The following TRIM36 variants were observed in gnomAD, a reference collection of about 807,000 sequenced individuals.
The protein encoded by TRIM36 is E3 ubiquitin-protein ligase TRIM36.
A neutral mutation model predicts 72.4 loss-of-function variants in TRIM36; 42 were observed. The observed-to-expected ratio is 0.58, with a 90% CI of 0.45 to 0.75. TRIM36 has a LOEUF of 0.75. Ranked by LOEUF, TRIM36 falls within the 30% of genes least tolerant of loss-of-function variation. TRIM36 has a pLI of 0.00. For synonymous variants in TRIM36, 315 were observed against 282.8 expected, an observed-to-expected ratio of 1.11 and a Z score of -1.14; for missense variants, 913 against 857.1, an observed-to-expected ratio of 1.07 and a Z score of -0.81.
Position 115,156,928 on chromosome 5 carries a change from G to T in TRIM36, c.262+6590C>A, listed in dbSNP as rs113170787. Reference sequence around the variant, plus strand: ...TTCAAAATCTATACATCTGACAAAGGACTAACATCCAGAATCTACAATGAA... The same window carrying T: ...TTCAAAATCTATACATCTGACAAAGTACTAACATCCAGAATCTACAATGAA... On this transcript the variant is annotated intron_variant, in intron 2 of 9. Coordinates refer to ENST00000513154, the MANE Select transcript of TRIM36 (RefSeq NM_001300759.2). 8.5e-5 allele frequency among the ~76,000 whole-genome samples: 13 copies of T among 152,198 alleles called. 1 individual carries two copies. Among genetic ancestry groups the T allele is most frequent in the African/African-American group, 3.1e-4 (13 of 41,530 alleles).
intron 2 of TRIM36, chr5:115,148,729 A>G (rs1753728076): frequency 6.6e-6 from 1 of 152,198 alleles, no homozygotes; most frequent in Non-Finnish European, 1.5e-5. Context: ...TCTTAAGAGT[A>G]TGCAGTCTTA....
At chr5:115,138,733 T>C (rs1418755499) in intron 5 of TRIM36, among the ~76,000 whole-genome samples, 3 of 152,152 alleles carry the variant, frequency 2.0e-5, no homozygotes, top group Admixed American at 2.0e-4. Context: ...TCAGAGCTCA[T>C]GATTTTGAGA....
intron 2 of TRIM36, among the ~76,000 whole-genome samples, chr5:115,150,287 T>C (rs575602759): frequency 6.6e-6 from 1 of 152,318 alleles, no homozygotes; most frequent in African/African-American, 2.4e-5. Flanking sequence ...TGTCATCTGA[T>C]ACAGTAGCCA....
At chr5:115,171,274 C>T (rs375498205), upstream of TRIM36, 2 of 1,608,860 alleles carry the variant, frequency 1.2e-6, no homozygotes, top group Non-Finnish European at 1.7e-6. Context: ...GCAATTTTCT[C>T]TAATGGAATA....
chr5:115,146,931 G>A lies in TRIM36; in HGVS notation c.588+138C>T, dbSNP rs941476228. ...GTAACTCCAGCCAACTAGGCCTTAA[G>A]TTCTTATACCTGCTTTTAAAGTTAT... On this transcript the variant is annotated intron_variant, in intron 3 of 9. Coordinates refer to ENST00000513154, the MANE Select transcript of TRIM36 (RefSeq NM_001300759.2). 6 of 941,016 alleles carry A rather than the reference G, an allele frequency of 6.4e-6. No homozygotes were observed. In the Admixed American group the frequency reaches 1.5e-4, roughly 23 times the overall value. 58.3% of individuals were successfully genotyped at this position (941,016 alleles called of 1,614,324 possible). A position where few individuals can be genotyped will look rare whatever the true frequency, so the allele number is the denominator to read the frequency against.
At chr5:115,171,488 T>C (rs1452164925), upstream of TRIM36, among the ~76,000 whole-genome samples, 1 of 152,192 alleles carries the variant, frequency 6.6e-6, no homozygotes, top group African/African-American at 2.4e-5. Flanking sequence ...TATATATACA[T>C]ATATTTAAAG....
chr5:115,130,027 G>A (rs1219088448), intron 9 of TRIM36, among the ~76,000 whole-genome samples: 1 of 152,196 alleles, frequency 6.6e-6, no homozygotes, highest in East Asian at 1.9e-4. Flanking sequence ...CTATCATTCA[G>A]ATTGTTAAGC....
upstream of TRIM36, among the ~76,000 whole-genome samples, chr5:115,170,838 C>A (rs1294978005): frequency 6.6e-6 from 1 of 152,218 alleles, no homozygotes; most frequent in Non-Finnish European, 1.5e-5. Flanking sequence ...CTCCGGCACC[C>A]CCGCACCCCC....
intron 9 of TRIM36, among the ~76,000 whole-genome samples, chr5:115,128,237 C>T (rs11954156): frequency 0.051 from 7,751 of 151,428 alleles, 221 homozygotes; most frequent in East Asian, 0.078. Context: ...GGTGTGGTGG[C>T]GCATGCCTGT....
chr5:115,126,601 G>A lies in TRIM36; in HGVS notation c.2053C>T (p.His685Tyr), dbSNP rs1396902717. 4 of 1,614,040 alleles carry A rather than the reference G, an allele frequency of 2.5e-6. No individual in the cohort carries two copies. Among genetic ancestry groups the A allele is most frequent in the Admixed American group, 3.3e-5 (2 of 60,004 alleles). The part of the protein sequence containing the change: ...CLYERQVDCS[H>Y]TLYPAFALMG... ...AATGCAAATGCTGGATACAGTGTAT[G>A]TGAACAGTCCACTTGGCGTTCATAA... Residue 685 changes from histidine to tyrosine, a missense_variant, in exon 10 of 10, where the codon CAT becomes TAT. By Grantham distance (83) the His-to-Tyr change is moderately conservative. Transcript: ENST00000513154.
Position 115,130,742 on chromosome 5 carries a change from T to C in TRIM36, c.1646A>G (p.Asp549Gly). ...RIQVGYYTSL[D>G]YIIGDTGITK... Reference sequence around the variant, plus strand: ...AATGCCAGTATCTCCAATGATGTAGTCTAAGCTTGTGTAATAACCCACTTG... The same window carrying C: ...AATGCCAGTATCTCCAATGATGTAGCCTAAGCTTGTGTAATAACCCACTTG... Residue 549 changes from aspartate (D) to glycine (G), a missense_variant, in exon 9 of 10, where the codon GAC (aspartate) becomes GGC (glycine). By Grantham distance (94) the Asp-to-Gly change is moderately conservative. Coordinates refer to ENST00000513154, the MANE Select transcript of TRIM36 (RefSeq NM_001300759.2). The C allele has an allele frequency of 1.2e-6, 2 of 1,614,130 alleles. No homozygotes were observed. Among genetic ancestry groups the C allele is most frequent in the Non-Finnish European group, 1.7e-6 (2 of 1,180,010 alleles).
intron 2 of TRIM36, among the ~76,000 whole-genome samples, chr5:115,159,067 TC>T (rs1754337886): frequency 6.6e-6 from 1 of 152,200 alleles, no homozygotes; most frequent in Non-Finnish European, 1.5e-5. Context: ...GGTTGCCCCA[TC>T]TTTTACATAG....
chr5:115,131,861 A>G (rs1464334180), intron 8 of TRIM36, among the ~76,000 whole-genome samples: 1 of 152,164 alleles, frequency 6.6e-6, no homozygotes, highest in East Asian at 1.9e-4. Context: ...AATCAAAGTT[A>G]CCAGCCTCTG....
intron 8 of TRIM36, among the ~76,000 whole-genome samples, chr5:115,132,595 C>A (rs1752752996): frequency 6.6e-6 from 1 of 151,576 alleles, no homozygotes; most frequent in Non-Finnish European, 1.5e-5. Flanking sequence ...ACAGCCATTA[C>A]CCACGTGTGA....
chr5:115,149,569 G>GAAAA (rs748596152), intron 2 of TRIM36: 516 of 19,280 alleles, frequency 0.027, 165 homozygotes, highest in East Asian at 0.16. Context: ...TCAGAAATTT[G>GAAAA]AAAAAAAAAA....
At position 115,169,812 on chromosome 5, in the gene TRIM36, C is replaced by A. The variant is rs1010586010; in HGVS notation, c.-178G>T. 9.1e-6 allele frequency: 12 copies of A among 1,317,572 alleles called. No homozygotes were observed. The highest frequency in any genetic ancestry group is 3.0e-5 in the African/African-American group (2 of 65,716). The allele number at this position is 1,317,572 out of a possible 1,614,324, so 81.6% of individuals were successfully genotyped here. The stretch of plus-strand genomic sequence containing the variant: ...GCGGGGAGAAGTAAGCCGGGGCAGG[C>A]AAAAGCACAGGCGCGGGAGAAGCGA... On this transcript the variant is annotated 5_prime_UTR_variant, in exon 1 of 10. Transcript: ENST00000513154.
chr5:115,126,651 T>C lies in TRIM36; in HGVS notation c.2003A>G (p.Tyr668Cys), dbSNP rs962505285. The C allele has an allele frequency of 3.7e-6, 6 of 1,614,200 alleles. No individual in the cohort carries two copies. Among genetic ancestry groups the C allele is most frequent in the Middle Eastern group, 3.3e-4 (2 of 6,062 alleles). The change falls in exon 10 of 10, where the codon TAT (tyrosine) becomes TGT (cysteine). Residue 668 changes from tyrosine (Y) to cysteine (C), a missense_variant. Physicochemically the swap from Tyr to Cys is radical, Grantham distance 194. Coordinates refer to ENST00000513154, the MANE Select transcript of TRIM36 (RefSeq NM_001300759.2). ...LDCDKGKVDF[Y>C]DMDQMKCLYE... ...AAGGCATTTCATCTGATCCATATCA[T>C]AGAAATCTACTTTGCCTTTATCACA... is the stretch of plus-strand genomic sequence containing the variant.
intron 6 of TRIM36, 93 bp downstream of exon 6, chr5:115,137,270 C>A: frequency 1.3e-6 from 2 of 1,503,864 alleles, no homozygotes; most frequent in Non-Finnish European, 1.8e-6. Flanking sequence ...ATTAACACAG[C>A]ATTATGGACC....
intron 1 of TRIM36, chr5:115,179,958 C>G (rs1256272390): frequency 1.2e-6 from 2 of 1,613,534 alleles, no homozygotes; most frequent in Non-Finnish European, 1.7e-6. Flanking sequence ...CGCGGCGCCC[C>G]GCGCCTCATC....
Sources: gnomAD v4.1 joint callset for allele counts (sites outside exome capture counted in the v4.1 genomes callset) on GRCh38, gnomAD v4.1.1 for gene constraint, MANE v1.5 for transcripts, NCBI Gene and HGNC (gene_info 2026-07-23, HGNC 2026-07-21) for gene names.